Variants in LARGE1 observed in about 807,000 individuals in gnomAD.
LARGE1 encodes the protein LARGE xylosyl- and glucuronyltransferase 1.
Under a neutral mutation model 87.6 loss-of-function variants are expected in LARGE1, and 43 were observed. That is an observed-to-expected ratio of 0.49 (90% CI 0.38 to 0.63). The LOEUF (loss-of-function observed/expected upper bound fraction) is 0.63. LARGE1 is among the 30% of genes least tolerant of loss of function. The pLI, the probability that LARGE1 is intolerant of heterozygous loss-of-function variation, is 0.00. For synonymous variants in LARGE1, 434 were observed against 394.6 expected (o/e 1.10, Z -1.18); for missense variants, 802 against 1,000.2 (o/e 0.80, Z 2.67).
intron 6 of LARGE1, among the ~76,000 whole-genome samples, chr22:33,455,135 G>A (rs1396150627): frequency 1.3e-5 from 2 of 152,322 alleles, no homozygotes; most frequent in Middle Eastern, 3.4e-3. Flanking sequence ...TCTTTCCTGG[G>A]TCCATAAGGG....
At chr22:33,206,115 C>T (rs200199191) in intron 11 of LARGE1, among the ~76,000 whole-genome samples, 10 of 152,068 alleles carry the variant, frequency 6.6e-5, no homozygotes, top group African/African-American at 2.2e-4. Context: ...CCACCACACC[C>T]GGCTAATTTT....
At chr22:33,520,061 G>C (rs886781900) in intron 6 of LARGE1, among the ~76,000 whole-genome samples, 14 of 147,644 alleles carry the variant, frequency 9.5e-5, no homozygotes, top group African/African-American at 3.6e-4. Context: ...CTGGAGTGCG[G>C]TGGTGTGATC....
chr22:33,351,872 G>A (rs1353762504), intron 9 of LARGE1, among the ~76,000 whole-genome samples: 1 of 151,980 alleles, frequency 6.6e-6, no homozygotes, highest in Non-Finnish European at 1.5e-5. Flanking sequence ...CCGAGTAGCT[G>A]GGATTACATG....
chr22:33,572,011 C>T, intron 5 of LARGE1: 1 of 341,930 alleles, frequency 2.9e-6, no homozygotes, highest in South Asian at 2.5e-5. Flanking sequence ...TCTCTCCAGG[C>T]CTTAATTTTC....
At chr22:33,745,691 G>A (rs143241005) in intron 2 of LARGE1, among the ~76,000 whole-genome samples, 1 of 152,142 alleles carries the variant, frequency 6.6e-6, no homozygotes, top group East Asian at 1.9e-4. Flanking sequence ...GCCCTGAAAG[G>A]CTGGATCCAA....
chr22:33,820,619 C>G (rs2086789771), intron 1 of LARGE1, among the ~76,000 whole-genome samples: 1 of 152,096 alleles, frequency 6.6e-6, no homozygotes, highest in Non-Finnish European at 1.5e-5. Flanking sequence ...GAGCCACCAT[C>G]CACAGCCTCT....
intron 6 of LARGE1, among the ~76,000 whole-genome samples, chr22:33,486,905 T>C (rs1364156328): frequency 6.6e-6 from 1 of 152,200 alleles, no homozygotes; most frequent in Non-Finnish European, 1.5e-5. Flanking sequence ...TAGAAGAATA[T>C]ATCTAGGTCT....
At chr22:33,183,695 G>C (rs117946472) in intron 11 of LARGE1, among the ~76,000 whole-genome samples, 3,742 of 151,124 alleles carry the variant, frequency 0.025, 74 homozygotes, top group Non-Finnish European at 0.038. Flanking sequence ...TGATGGCATC[G>C]ATTGCTCTGG....
chr22:33,687,569 T>C (rs1375807759), intron 2 of LARGE1, among the ~76,000 whole-genome samples: 1 of 151,850 alleles, frequency 6.6e-6, no homozygotes, highest in East Asian at 1.9e-4. Context: ...GTTGAATGAG[T>C]GAAGGTTCCA....
chr22:33,138,591 G>A, the LARGE1 span, among the ~76,000 whole-genome samples: 34 of 151,998 alleles, frequency 2.2e-4, no homozygotes, highest in Non-Finnish European at 5.9e-5. Flanking sequence ...TTACAGGCAT[G>A]TGCCACCACG....
intron 12 of LARGE1, among the ~76,000 whole-genome samples, chr22:33,298,109 G>T (rs961795274): frequency 1.3e-5 from 2 of 151,908 alleles, no homozygotes; most frequent in African/African-American, 4.8e-5. Context: ...GAAATGCCAC[G>T]ATGTCTCACG....
At chr22:33,293,193 T>C (rs542805247) in intron 12 of LARGE1, among the ~76,000 whole-genome samples, 70 of 152,214 alleles carry the variant, frequency 4.6e-4, no homozygotes, top group Non-Finnish European at 7.8e-4. Context: ...AGAAAGCATA[T>C]AGGATTGGAG....
intron 6 of LARGE1, among the ~76,000 whole-genome samples, chr22:33,516,010 G>A (rs1238027840): frequency 2.0e-5 from 3 of 152,208 alleles, no homozygotes; most frequent in African/African-American, 7.2e-5. Context: ...AAGAGCCTGC[G>A]CTTCACCAGC....
downstream of LARGE1, among the ~76,000 whole-genome samples, chr22:33,271,973 T>C (rs1417853629): frequency 1.3e-5 from 2 of 152,262 alleles, no homozygotes; most frequent in East Asian, 3.9e-4. Context: ...AGTTTATGCC[T>C]ATTGTGTAAA....
intron 12 of LARGE1, among the ~76,000 whole-genome samples, chr22:33,299,692 T>G (rs1022029036): frequency 5.3e-5 from 8 of 152,166 alleles, no homozygotes; most frequent in African/African-American, 1.9e-4. Flanking sequence ...AGCTCCTATA[T>G]TAACTGAGGA....
At chr22:33,635,806 C>T (rs1343661900) in intron 3 of LARGE1, among the ~76,000 whole-genome samples, 1 of 152,210 alleles carries the variant, frequency 6.6e-6, no homozygotes, top group Non-Finnish European at 1.5e-5. Context: ...TTACAAACCT[C>T]CAGGATTTGG....
At chr22:33,520,424 T>C (rs1444094802) in intron 6 of LARGE1, among the ~76,000 whole-genome samples, 1 of 152,268 alleles carries the variant, frequency 6.6e-6, no homozygotes, top group East Asian at 1.9e-4. Context: ...GGGGTGGCTG[T>C]TCTCCAAATC....
intron 12 of LARGE1, among the ~76,000 whole-genome samples, chr22:33,302,389 G>A (rs1934270044): frequency 6.6e-6 from 1 of 152,142 alleles, no homozygotes; most frequent in Non-Finnish European, 1.5e-5. Context: ...TGACCCTACT[G>A]TTTTTAACAG....
intron 11 of LARGE1, among the ~76,000 whole-genome samples, chr22:33,234,908 G>A (rs1170812296): frequency 1.4e-5 from 1 of 70,636 alleles, no homozygotes; most frequent in Non-Finnish European, 2.5e-5. Context: ...AATGTGTTGG[G>A]GAATGCTACA....
Sources: gnomAD v4.1 joint callset for allele counts (sites outside exome capture counted in the v4.1 genomes callset) on GRCh38, gnomAD v4.1.1 for gene constraint, MANE v1.5 for transcripts, NCBI Gene and HGNC (gene_info 2026-07-23, HGNC 2026-07-21) for gene names.